Variants in HTT observed in about 807,000 individuals in gnomAD.
HTT encodes huntingtin.
HTT carries 104 observed loss-of-function variants against 362.3 expected under a neutral mutation model. That is an observed-to-expected ratio of 0.29 (90% CI 0.24 to 0.34). The LOEUF is 0.34. Among genes scored for constraint, HTT ranks in the 10% least tolerant of loss-of-function variants. The pLI is 1.00. For synonymous variants in HTT, 1,577 were observed against 1,548.7 expected, an observed-to-expected ratio of 1.02 and a Z score of -0.43; for missense variants, 3,301 against 3,928.6, an observed-to-expected ratio of 0.84 and a Z score of 4.27.
chr4:3,121,909 G>C (rs1360999540), intron 9 of HTT, among the ~76,000 whole-genome samples: 1 of 152,132 alleles, frequency 6.6e-6, no homozygotes, highest in Non-Finnish European at 1.5e-5. Flanking sequence ...TAGCAGGTTG[G>C]GTGGCAAAAT....
intron 24 of HTT, among the ~76,000 whole-genome samples, chr4:3,145,931 C>T (rs986927154): frequency 1.3e-5 from 2 of 152,168 alleles, no homozygotes; most frequent in Non-Finnish European, 2.9e-5. Flanking sequence ...ATAGGTCTGG[C>T]ACTAGACTTC....
intron 7 of HTT, among the ~76,000 whole-genome samples, 163 bp downstream of exon 7, chr4:3,115,608 CTG>C (rs1714980064): frequency 1.3e-5 from 2 of 152,346 alleles, no homozygotes; most frequent in East Asian, 3.9e-4. Context: ...GCATGGGTCT[CTG>C]TGACCCTGCA....
chr4:3,158,500 T>A (rs376042473), intron 28 of HTT, among the ~76,000 whole-genome samples: 1 of 152,160 alleles, frequency 6.6e-6, no homozygotes, highest in Non-Finnish European at 1.5e-5. Flanking sequence ...TGTTCAGAAC[T>A]TTTTAAATTA....
intron 55 of HTT, 65 bp from the exon 56 acceptor site, chr4:3,223,926 TG>T: frequency 6.4e-7 from 1 of 1,552,668 alleles, no homozygotes; most frequent in Non-Finnish European, 8.9e-7. Context: ...GGGAAAGTTC[TG>T]GTGTTTTTCA....
At chr4:3,211,345 T>G (rs1050720162) in intron 47 of HTT, among the ~76,000 whole-genome samples, 6 of 152,246 alleles carry the variant, frequency 3.9e-5, no homozygotes, top group Non-Finnish European at 5.9e-5. Flanking sequence ...AAAAGAAAGC[T>G]TCAACTTTTG....
intron 47 of HTT, 135 bp downstream of exon 47, chr4:3,210,084 C>A (rs771795533): frequency 2.8e-6 from 3 of 1,082,220 alleles, no homozygotes; most frequent in Non-Finnish European, 4.0e-6. Context: ...GACGGGATGT[C>A]GGAGAGACTC....
Position 3,238,555 on chromosome 4 carries a change from G to A in HTT, c.9000G>A (p.Glu3000=). The change falls in exon 65 of 67, where the codon GAG becomes GAA. Residue 3000 remains glutamate (E), a synonymous_variant. Transcript: ENST00000355072. ...PQDIMNKVIG[E]FLSNQQPYPQ... ...ACATCATGAACAAAGTCATCGGAGA[G>A]TTTCTGTCCAACCAGCAGCCATACC... 6.2e-7 allele frequency: 1 copy of A among 1,613,270 alleles called. No individual in the cohort carries two copies. The highest frequency in any genetic ancestry group is 8.5e-7 in the Non-Finnish European group (1 of 1,179,618).
In HTT at chr4:3,132,868, A is replaced by G; in HGVS notation, c.2450A>G (p.Asp817Gly). The change falls in exon 18 of 67, where the codon GAT becomes GGT. Residue 817 changes from aspartate (D) to glycine (G), a missense_variant. Transcript: ENST00000355072. ...CIPLLRKTLK[D>G]ESSVTCKLAC... ...CCTTTGCTGCGGAAAACACTGAAGGATGAGTCTTCTGTTACTTGCAAGTTA... is the reference window on the plus strand; with the variant it reads ...CCTTTGCTGCGGAAAACACTGAAGGGTGAGTCTTCTGTTACTTGCAAGTTA... 1 of 1,614,086 alleles carries G rather than the reference A, an allele frequency of 6.2e-7. No homozygotes were observed. The highest frequency in any genetic ancestry group is 8.5e-7 in the Non-Finnish European group (1 of 1,179,904).
rs1410613616 is a variant in HTT, at chr4:3,208,901, G to C, written c.6281G>C (p.Ser2094Thr). 2.5e-6 allele frequency: 4 copies of C among 1,611,092 alleles called. No individual in the cohort carries two copies. The South Asian group carries it at 4.4e-5, about 18-fold the overall frequency. Residue 2094 changes from serine to threonine, a missense_variant, in exon 46 of 67, where the codon AGT becomes ACT. Physicochemically the swap from Ser to Thr is moderately conservative, Grantham distance 58. This residue lies in a region of HTT where 2,316 missense variants were observed against 2,658.5 expected (regional missense o/e 0.87). Transcript: ENST00000355072. ...GGGCACGTGTCACTGGAAACAGTGA[G>C]TCCGGACAAAGTAAGTGTCCAGCGT... ...GDGHVSLETV[S>T]PDKDWYVHLV... is the part of the protein sequence containing the mutation.
At position 3,207,322 on chromosome 4, in the gene HTT, C is replaced by G. The variant is rs764064594; in HGVS notation, c.6117C>G (p.Ile2039Met). 19 of 1,613,726 alleles carry G rather than the reference C, an allele frequency of 1.2e-5. No homozygotes were observed. Among genetic ancestry groups the G allele is most frequent in the Non-Finnish European group, 1.6e-5 (19 of 1,179,876 alleles). Residue 2039 changes from isoleucine (I) to methionine (M), a missense_variant, in exon 45 of 67, where the codon ATC becomes ATG. Transcript: ENST00000355072. The stretch of plus-strand genomic sequence containing the variant: ...TGCCAATGGAAGAACTCAACAGAAT[C>G]CAGGAATACCTTCAGAGCAGCGGGC... ...AQLPMEELNR[I>M]QEYLQSSGLA...
chr4:3,121,131 C>A, intron 8 of HTT, 97 bp from the exon 9 acceptor site: 1 of 776,284 alleles, frequency 1.3e-6, no homozygotes, highest in South Asian at 1.7e-5. Flanking sequence ...AAGGTATAAA[C>A]TTTGTCAATG....
In HTT at chr4:3,240,373, G is replaced by A. The variant is rs362306; in HGVS notation, c.*314G>A. 0.27 allele frequency: 113,609 copies of A among 414,676 alleles called. 17,812 individuals carry two copies. The highest frequency in any genetic ancestry group is 0.38 in the East Asian group (7,648 of 19,892). The allele number at this position is 414,676 out of a possible 1,614,324, so 25.7% of individuals were successfully genotyped here. A position where few individuals can be genotyped will look rare whatever the true frequency, so the allele number is the denominator to read the frequency against. On this transcript the variant is annotated 3_prime_UTR_variant, in exon 67 of 67. Coordinates refer to ENST00000355072, the MANE Select transcript of HTT (RefSeq NM_001388492.1). ...GTCACCTGCTGGTTGTTGCCAGGTT[G>A]CAGCTGCTCTTGCATCTGGGCCAGA...
rs751795207 is a variant in HTT at position 3,206,448 on chromosome 4, CTCT to C, written c.5719-43_5719-41del. The C allele has an allele frequency of 1.3e-6, 2 of 1,481,748 alleles. No individual in the cohort carries two copies. The highest frequency in any genetic ancestry group is 1.4e-5 in the African/African-American group (1 of 72,316). 91.8% of individuals were successfully genotyped at this position (1,481,748 alleles called of 1,614,324 possible). On this transcript the variant is annotated intron_variant, in intron 42 of 66. Coordinates refer to ENST00000355072, the MANE Select transcript of HTT (RefSeq NM_001388492.1). This position sits in a 1 kb window ranked among gnomAD's most constrained non-coding sequence, Gnocchi z 4.6. ...CCTTTCTATGGCATTAATACCTGGT[CTCT>C]TCTTGTGTACTTGAAAATGAATCTC...
intron 1 of HTT, among the ~76,000 whole-genome samples, chr4:3,075,535 A>G (rs1712479746): frequency 6.6e-6 from 1 of 150,944 alleles, no homozygotes; most frequent in Non-Finnish European, 1.5e-5. Flanking sequence ...CTGAGAGGGA[A>G]GAGGGCTGGG....
chr4:3,085,242 GTTC>G (rs1311154922), intron 1 of HTT, among the ~76,000 whole-genome samples: 1 of 151,804 alleles, frequency 6.6e-6, no homozygotes, highest in East Asian at 2.0e-4. Flanking sequence ...GGTTCAAGCA[GTTC>G]TTCTGCCGCA....
chr4:3,149,567 C>G (rs1431303024), intron 26 of HTT, among the ~76,000 whole-genome samples: 2 of 150,816 alleles, frequency 1.3e-5, no homozygotes, highest in Non-Finnish European at 2.9e-5. Flanking sequence ...TTCGGCCTCC[C>G]AAAGTGTTGG....
chr4:3,131,426 G>C (rs1403273081), intron 15 of HTT, 29 bp downstream of exon 15: 2 of 1,563,054 alleles, frequency 1.3e-6, no homozygotes, highest in Admixed American at 3.3e-5. Flanking sequence ...GTGCACAGTT[G>C]AAGGAAATAA....
At chr4:3,138,419 T>G (rs1716186775) in intron 21 of HTT, among the ~76,000 whole-genome samples, 1 of 152,046 alleles carries the variant, frequency 6.6e-6, no homozygotes, top group Non-Finnish European at 1.5e-5. Flanking sequence ...GTCTCCAATG[T>G]CCATTATACC....
At chr4:3,231,370 A>G (rs1721239846) in intron 60 of HTT, among the ~76,000 whole-genome samples, 1 of 151,584 alleles carries the variant, frequency 6.6e-6, no homozygotes, top group Admixed American at 6.6e-5. Context: ...AGCCGCTAAC[A>G]TTTGCGGAGC....
Sources: allele counts gnomAD v4.1 joint callset (sites outside exome capture counted in the v4.1 genomes callset), GRCh38; gene constraint gnomAD v4.1.1; regional missense constraint gnomAD v4.1.1; non-coding constraint Gnocchi (gnomAD v3.1); transcripts MANE v1.5; gene names NCBI Gene and HGNC (gene_info 2026-07-23, HGNC 2026-07-21).